FARS2: variants seen among roughly 807,000 people sequenced by gnomAD.
The protein encoded by FARS2 is phenylalanine--tRNA ligase, mitochondrial.
A neutral mutation model predicts 46.4 loss-of-function variants in FARS2; 40 were observed. That is an observed-to-expected ratio of 0.86 (90% CI 0.67 to 1.12). The LOEUF is 1.12. FARS2 is among the 50% of genes most tolerant of loss of function. FARS2 has a pLI of 0.00. For missense variants in FARS2, 513 were observed against 567.9 expected (o/e 0.90, Z 0.98); for synonymous variants, 234 against 214.9 (o/e 1.09, Z -0.78).
chr6:5,536,118 C>T (rs528071638), intron 4 of FARS2, among the ~76,000 whole-genome samples: 2 of 146,360 alleles, frequency 1.4e-5, no homozygotes, highest in Non-Finnish European at 3.0e-5. Context: ...GTGGCGCGAT[C>T]TTGGCTCACT....
intron 4 of FARS2, among the ~76,000 whole-genome samples, chr6:5,450,061 A>G (rs745384619): frequency 5.3e-5 from 8 of 152,234 alleles, no homozygotes; most frequent in Non-Finnish European, 1.0e-4. Context: ...TTTGACCCAC[A>G]GTTGGTTAAA....
At chr6:5,426,948 G>GTAAGAAA (rs1762889120) in intron 3 of FARS2, among the ~76,000 whole-genome samples, 2 of 152,228 alleles carry the variant, frequency 1.3e-5, no homozygotes, top group African/African-American at 4.8e-5. Flanking sequence ...AATTTAAATT[G>GTAAGAAA]TTAAAATGTG....
intron 6 of FARS2, among the ~76,000 whole-genome samples, chr6:5,681,949 A>G (rs1779053789): frequency 6.6e-6 from 1 of 152,222 alleles, no homozygotes; most frequent in Non-Finnish European, 1.5e-5. Flanking sequence ...CTAACGTGGT[A>G]AAGAGTCGGA....
chr6:5,634,536 C>T (rs1776448582), intron 6 of FARS2, among the ~76,000 whole-genome samples: 3 of 152,278 alleles, frequency 2.0e-5, no homozygotes, highest in African/African-American at 7.2e-5. Context: ...AGAGCCCAGG[C>T]TGGGCTCGAA....
intron 6 of FARS2, among the ~76,000 whole-genome samples, chr6:5,721,974 T>C (rs1206958054): frequency 6.6e-6 from 1 of 152,236 alleles, no homozygotes. Flanking sequence ...ACACAGAATA[T>C]AAAAAAGGCA....
At chr6:5,365,714 A>G (rs1291558032) in intron 1 of FARS2, among the ~76,000 whole-genome samples, 1 of 151,900 alleles carries the variant, frequency 6.6e-6, no homozygotes, top group Non-Finnish European at 1.5e-5. Flanking sequence ...AAATTCCTGT[A>G]TACCTTTTGA....
rs1763126442 is a variant in FARS2 at position 5,430,979 on chromosome 6, A to G, written c.773-62A>G. 7 of 1,553,776 alleles carry G rather than the reference A, an allele frequency of 4.5e-6. No individual in the cohort carries two copies. The South Asian group carries it at 8.6e-5, about 19-fold the overall frequency. ...TGTCATTAGTAGAAGGGAAAATTTG[A>G]TCACAAGAAAGGGCAGACAGCTATT... On this transcript the variant is annotated intron_variant, in intron 3 of 6. Coordinates refer to ENST00000274680, the MANE Select transcript of FARS2 (RefSeq NM_006567.5).
At chr6:5,761,438 A>G (rs983978707) in intron 6 of FARS2, among the ~76,000 whole-genome samples, 14 of 152,222 alleles carry the variant, frequency 9.2e-5, no homozygotes, top group African/African-American at 2.4e-4. Context: ...TGTCCACCTC[A>G]GCACAGAACA....
chr6:5,266,952 C>G (rs1046820562), intron 1 of FARS2, among the ~76,000 whole-genome samples: 1 of 152,046 alleles, frequency 6.6e-6, no homozygotes, highest in Non-Finnish European at 1.5e-5. Context: ...ACTCACATTT[C>G]TGTAGAAGCT....
At chr6:5,717,925 T>TAGAGAGAGAGAGAGAGAGAGAGAGAGAG (rs759754794) in intron 6 of FARS2, among the ~76,000 whole-genome samples, 11 of 45,586 alleles carry the variant, frequency 2.4e-4, no homozygotes, top group African/African-American at 7.3e-4. Flanking sequence ...TATATATATA[T>TAGAGAGAGAGAGAGAGAGAGAGAGAGAG]ATATATATAT....
chr6:5,651,237 A>G (rs896221641), intron 6 of FARS2, among the ~76,000 whole-genome samples: 1 of 152,228 alleles, frequency 6.6e-6, no homozygotes, highest in African/African-American at 2.4e-5. Flanking sequence ...ACAATCAAGA[A>G]GCAATCCAGC....
intron 2 of FARS2, among the ~76,000 whole-genome samples, chr6:5,377,151 T>C (rs1054713432): frequency 6.6e-6 from 1 of 152,232 alleles, no homozygotes; most frequent in Non-Finnish European, 1.5e-5. Context: ...GAGGAAACTC[T>C]TACAAATCCT....
At chr6:5,714,002 C>T (rs1759341077) in intron 6 of FARS2, among the ~76,000 whole-genome samples, 1 of 152,142 alleles carries the variant, frequency 6.6e-6, no homozygotes, top group Admixed American at 6.6e-5. Flanking sequence ...AGTTTGGAAG[C>T]AAACTTGAAG....
chr6:5,315,328 C>T (rs895896174), intron 1 of FARS2, among the ~76,000 whole-genome samples: 13 of 151,608 alleles, frequency 8.6e-5, no homozygotes, highest in African/African-American at 2.4e-4. Context: ...TCCCCATTAA[C>T]GTGGCTTTGG....
chr6:5,410,464 G>T (rs1481317626), intron 3 of FARS2, among the ~76,000 whole-genome samples: 1 of 152,056 alleles, frequency 6.6e-6, no homozygotes, highest in Non-Finnish European at 1.5e-5. Flanking sequence ...ACCTGGCCGC[G>T]TTGTTCTATT....
intron 4 of FARS2, among the ~76,000 whole-genome samples, chr6:5,438,025 A>G (rs1400928867): frequency 6.6e-6 from 1 of 152,120 alleles, no homozygotes; most frequent in Non-Finnish European, 1.5e-5. Context: ...TTTATTGAAT[A>G]TAGAATTCCG....
chr6:5,584,295 A>C (rs1215699009), intron 5 of FARS2, among the ~76,000 whole-genome samples: 1 of 152,162 alleles, frequency 6.6e-6, no homozygotes, highest in Non-Finnish European at 1.5e-5. Flanking sequence ...GTGTATGATT[A>C]AAAACAGCAG....
intron 4 of FARS2, among the ~76,000 whole-genome samples, chr6:5,484,770 C>G (rs1356212778): frequency 6.6e-6 from 1 of 152,196 alleles, no homozygotes; most frequent in East Asian, 1.9e-4. Flanking sequence ...AACCTCCTAG[C>G]TGGATTGAAG....
Position 5,431,155 on chromosome 6 carries a change from A to G in FARS2, c.887A>G (p.Gln296Arg), listed in dbSNP as rs1763142663. Residue 296 changes from glutamine (Q) to arginine (R), a missense_variant, in exon 4 of 7, where the codon CAA becomes CGA. Coordinates refer to ENST00000274680, the MANE Select transcript of FARS2 (RefSeq NM_006567.5). ...GTTCTTGGCTGCGGGGTGATGGAACAACAACTGGTCAATTCAGGTAAAAAA... is the reference window on the plus strand; with the variant it reads ...GTTCTTGGCTGCGGGGTGATGGAACGACAACTGGTCAATTCAGGTAAAAAA... ...LEVLGCGVME[Q>R]QLVNSAGAQD... 1 of 1,613,788 alleles carries G rather than the reference A, an allele frequency of 6.2e-7. No homozygotes were observed.
Sources: allele counts gnomAD v4.1 joint callset (sites outside exome capture counted in the v4.1 genomes callset), GRCh38; gene constraint gnomAD v4.1.1; transcripts MANE v1.5; gene names NCBI Gene and HGNC (gene_info 2026-07-23, HGNC 2026-07-21).